ST7: variants seen among roughly 807,000 people sequenced by gnomAD.
ST7 encodes the protein suppression of tumorigenicity 7, also known as suppressor of tumorigenicity 7 protein.
A neutral mutation model predicts 78.7 loss-of-function variants in ST7; 28 were observed. The ratio of observed to expected loss-of-function variants is 0.36; its 90% CI spans 0.26 to 0.49. ST7 has a LOEUF of 0.49. Among genes scored for constraint, ST7 ranks in the 20% least tolerant of loss-of-function variants. The pLI is 0.99. For synonymous variants in ST7, 247 were observed against 249.6 expected (o/e 0.99, Z 0.10); for missense variants, 418 against 696.0 (o/e 0.60, Z 4.49).
At chr7:117,184,087 A>G (rs1809019855) in intron 10 of ST7, 2 of 152,264 alleles carry the variant, frequency 1.3e-5, no homozygotes, top group East Asian at 1.9e-4. Context: ...TTGATTTTGC[A>G]TGCCTAAGAT....
intron 1 of ST7, among the ~76,000 whole-genome samples, chr7:117,016,361 A>G (rs1225980217): frequency 1.3e-5 from 2 of 152,196 alleles, no homozygotes; most frequent in Non-Finnish European, 2.9e-5. Flanking sequence ...AGAGAAATCA[A>G]ATTTGTAAAA....
intron 1 of ST7, among the ~76,000 whole-genome samples, chr7:117,062,869 T>G (rs1173840623): frequency 6.6e-6 from 1 of 152,244 alleles, no homozygotes; most frequent in Admixed American, 6.5e-5. Context: ...GGGTTAATTC[T>G]GCCATTTTAG....
intron 1 of ST7, among the ~76,000 whole-genome samples, chr7:117,091,897 G>A (rs1179194868): frequency 1.3e-5 from 2 of 152,112 alleles, no homozygotes; most frequent in African/African-American, 4.8e-5. Context: ...TCAGTCAGGG[G>A]AGAATCTGCT....
chr7:117,208,361 C>T (rs1584606654), intron 12 of ST7, among the ~76,000 whole-genome samples: 1 of 152,122 alleles, frequency 6.6e-6, no homozygotes, highest in Admixed American at 6.6e-5. Context: ...GGCTTTCTAT[C>T]CTACCTCCTC....
chr7:117,151,484 C>T (rs1249581826), intron 9 of ST7, among the ~76,000 whole-genome samples: 1 of 152,196 alleles, frequency 6.6e-6, no homozygotes, highest in Admixed American at 6.5e-5. Flanking sequence ...TAGAGTGGAC[C>T]TTCCATGATA....
intron 2 of ST7, among the ~76,000 whole-genome samples, chr7:117,108,537 T>G (rs1303305049): frequency 1.3e-5 from 2 of 152,208 alleles, no homozygotes; most frequent in African/African-American, 4.8e-5. Context: ...ATCTCCAGAT[T>G]TGTTCTTTTT....
intron 1 of ST7, among the ~76,000 whole-genome samples, chr7:117,069,368 C>T (rs1798804188): frequency 6.6e-6 from 1 of 152,112 alleles, no homozygotes; most frequent in African/African-American, 2.4e-5. Flanking sequence ...TTAGTAAGTA[C>T]ATTGCAACAA....
intron 1 of ST7, among the ~76,000 whole-genome samples, chr7:117,047,509 A>T (rs912370191): frequency 2.6e-5 from 4 of 152,172 alleles, no homozygotes; most frequent in African/African-American, 9.6e-5. Flanking sequence ...TCCTCTAGGA[A>T]AATTTTAGAA....
intron 1 of ST7, among the ~76,000 whole-genome samples, chr7:117,036,271 G>A (rs1796891874): frequency 6.6e-6 from 1 of 152,162 alleles, no homozygotes; most frequent in African/African-American, 2.4e-5. Flanking sequence ...ATGGTGACCA[G>A]TCCTCTGCAG....
intron 1 of ST7, among the ~76,000 whole-genome samples, chr7:116,981,806 A>AGTC (rs1793973121): frequency 6.6e-6 from 1 of 152,194 alleles, no homozygotes; most frequent in Non-Finnish European, 1.5e-5. Context: ...CCAGGAATAT[A>AGTC]GTCATTTATT....
At chr7:117,041,451 T>A (rs1797225495) in intron 1 of ST7, among the ~76,000 whole-genome samples, 1 of 152,210 alleles carries the variant, frequency 6.6e-6, no homozygotes, top group African/African-American at 2.4e-5. Flanking sequence ...AGAATGAAGG[T>A]CTGCAAAGTG....
At chr7:117,113,427 G>A (rs1802593665) in intron 2 of ST7, among the ~76,000 whole-genome samples, 1 of 151,882 alleles carries the variant, frequency 6.6e-6, no homozygotes, top group Admixed American at 6.6e-5. Flanking sequence ...GAGGGAAAGA[G>A]AAAAGAAAAA....
chr7:117,031,404 A>G (rs1482684250), intron 1 of ST7, among the ~76,000 whole-genome samples: 11,889 of 17,194 alleles, frequency 0.69, 5,430 homozygotes, highest in East Asian at 0.95. Context: ...ATGTGCATAT[A>G]TACGCATATA....
At chr7:117,089,882 T>TA (rs367956920) in intron 1 of ST7, among the ~76,000 whole-genome samples, 1,546 of 152,234 alleles carry the variant, frequency 0.01, 9 homozygotes, top group Middle Eastern at 0.017. Context: ...AACAGTTTTT[T>TA]AAAAAACTTT....
chr7:117,099,375 G>A (rs1801394262), intron 1 of ST7, among the ~76,000 whole-genome samples: 3 of 152,082 alleles, frequency 2.0e-5, no homozygotes, highest in Non-Finnish European at 2.9e-5. Flanking sequence ...GCTTGTTGAT[G>A]CATCAGGGAC....
At chr7:117,198,316 G>C (rs548835150) in intron 12 of ST7, 1 of 456,422 alleles carries the variant, frequency 2.2e-6, no homozygotes, top group East Asian at 7.0e-5. Context: ...TTCTGTGCTT[G>C]CAGGCTAGGT....
At chr7:117,136,367 A>G (rs986360708) in intron 8 of ST7, 132 bp downstream of exon 8, 11 of 1,119,062 alleles carry the variant, frequency 9.8e-6, no homozygotes, top group Admixed American at 2.2e-5. Flanking sequence ...CTTTGTTTTT[A>G]TTAATTTTCT....
At chr7:117,027,310 G>T (rs559196874) in intron 1 of ST7, among the ~76,000 whole-genome samples, 13 of 151,968 alleles carry the variant, frequency 8.6e-5, no homozygotes, top group Non-Finnish European at 1.6e-4. Context: ...GCATGGTGGC[G>T]CATGCCTGTA....
Position 117,170,936 on chromosome 7 carries a change from A to G in ST7, c.1038A>G (p.Gln346=). The G allele has an allele frequency of 1.2e-6, 2 of 1,612,324 alleles. No individual in the cohort carries two copies. The highest frequency in any genetic ancestry group is 2.2e-5 in the South Asian group (2 of 90,786). Residue 346 remains glutamine, a synonymous_variant, in exon 10 of 16, where the codon CAA becomes CAG. Coordinates refer to ENST00000323984, the MANE Select transcript of ST7 (RefSeq NM_001369598.1). ...ENLLEALLEL[Q]AYADVQAVLA... is the part of the protein sequence containing the mutation. ...TTTTAGAAGCCCTTCTGGAACTACA[A>G]GCATATGCTGATGTTCAGGCAGTCT...
Sources: allele counts gnomAD v4.1 joint callset (sites outside exome capture counted in the v4.1 genomes callset), GRCh38; gene constraint gnomAD v4.1.1; transcripts MANE v1.5; gene names NCBI Gene and HGNC (gene_info 2026-07-23, HGNC 2026-07-21).